PDE6D: variants seen among roughly 807,000 people sequenced by gnomAD.
PDE6D encodes phosphodiesterase 6D.
PDE6D carries 10 observed loss-of-function variants against 21.9 expected under a neutral mutation model. The observed-to-expected ratio is 0.46, with a 90% CI of 0.28 to 0.78. PDE6D has a LOEUF of 0.78. Among genes scored for constraint, PDE6D ranks in the 30% least tolerant of loss-of-function variants. PDE6D has a pLI of 0.12. For missense variants in PDE6D, 139 were observed against 184.8 expected (o/e 0.75, Z 1.44); for synonymous variants, 59 against 63.5 (o/e 0.93, Z 0.34).
chr2:231,767,129 C>T (rs547828008), intron 1 of PDE6D, among the ~76,000 whole-genome samples: 2 of 151,640 alleles, frequency 1.3e-5, no homozygotes, highest in South Asian at 4.2e-4. Flanking sequence ...TCACAGGTAT[C>T]GAAGCTAAAG....
intron 1 of PDE6D, among the ~76,000 whole-genome samples, chr2:231,771,874 G>A (rs569232759): frequency 6.6e-6 from 1 of 152,308 alleles, no homozygotes; most frequent in South Asian, 2.1e-4. Flanking sequence ...TTGTAGTGCT[G>A]GAAAAGGATT....
chr2:231,739,362 G>A lies in PDE6D; in HGVS notation c.51-174C>T, dbSNP rs2048729826. On this transcript the variant is annotated intron_variant, in intron 1 of 4. Coordinates refer to ENST00000287600, the MANE Select transcript of PDE6D (RefSeq NM_002601.4). The surrounding 1 kb of genome is among the most constrained non-coding windows in gnomAD (Gnocchi z 4.2). ...GAGGAGAGTCAAAAAGACATCTAAA[G>A]GAAGAAGCAGAAACCTAGAGAAGTT... 1.4e-6 allele frequency: 1 copy of A among 732,888 alleles called. No homozygotes were observed. Among genetic ancestry groups the A allele is most frequent in the East Asian group, 2.6e-5 (1 of 38,770 alleles). The allele number at this position is 732,888 out of a possible 1,614,324, so 45.4% of individuals were successfully genotyped here.
chr2:231,744,325 A>G (rs1011401905), intron 1 of PDE6D, among the ~76,000 whole-genome samples: 1 of 152,250 alleles, frequency 6.6e-6, no homozygotes, highest in Non-Finnish European at 1.5e-5. Context: ...TAGTAAATTT[A>G]AGCTCCCCTT....
At chr2:231,760,368 G>T (rs889183646) in intron 1 of PDE6D, among the ~76,000 whole-genome samples, 5 of 152,102 alleles carry the variant, frequency 3.3e-5, no homozygotes, top group Non-Finnish European at 7.3e-5. Flanking sequence ...TAATAATTTA[G>T]ATATTATTCA....
chr2:231,766,371 C>G (rs947149766), intron 1 of PDE6D, among the ~76,000 whole-genome samples: 1 of 152,164 alleles, frequency 6.6e-6, no homozygotes, highest in African/African-American at 2.4e-5. Flanking sequence ...TCTAGTCAGC[C>G]CATTATCCTA....
chr2:231,776,317 G>A (rs1387763709), intron 1 of PDE6D, among the ~76,000 whole-genome samples: 4 of 101,194 alleles, frequency 4.0e-5, no homozygotes, highest in Admixed American at 2.8e-4. Context: ...GCAAGACTCC[G>A]TCTCAAAAAA....
intron 4 of PDE6D, among the ~76,000 whole-genome samples, chr2:231,734,184 A>C (rs892043255): frequency 4.6e-5 from 7 of 152,036 alleles, no homozygotes; most frequent in African/African-American, 1.7e-4. Context: ...ACTGCACTCC[A>C]GCCTCCGCGA....
intron 3 of PDE6D, 110 bp from the exon 4 acceptor site, chr2:231,737,402 G>A: frequency 1.7e-6 from 1 of 598,930 alleles, no homozygotes; most frequent in Non-Finnish European, 3.0e-6. Context: ...AACCACCAAA[G>A]GAAGCTATCA....
intron 4 of PDE6D, among the ~76,000 whole-genome samples, chr2:231,736,216 C>T (rs1214585627): frequency 6.6e-6 from 1 of 152,018 alleles, no homozygotes; most frequent in Non-Finnish European, 1.5e-5. Flanking sequence ...AAACAAAAAA[C>T]CTTAAAGTCA....
intron 1 of PDE6D, among the ~76,000 whole-genome samples, chr2:231,765,538 A>AT (rs1202365263): frequency 1.3e-5 from 2 of 152,144 alleles, no homozygotes; most frequent in African/African-American, 2.4e-5. Context: ...AGGTAAGTAT[A>AT]TTTTTCAGGC....
chr2:231,748,903 C>T (rs915782781), intron 1 of PDE6D, among the ~76,000 whole-genome samples: 1 of 152,192 alleles, frequency 6.6e-6, no homozygotes. Context: ...GTTTGGGAAC[C>T]TCCGCCTGGA....
At chr2:231,734,985 G>A (rs1413422526) in intron 4 of PDE6D, among the ~76,000 whole-genome samples, 2 of 151,520 alleles carry the variant, frequency 1.3e-5, no homozygotes, top group Non-Finnish European at 2.9e-5. Context: ...GCTCACGTCT[G>A]TAATCCCAGC....
chr2:231,732,680 CCT>C lies in PDE6D; in HGVS notation c.*270_*271del, dbSNP rs1411530380. 3.0e-6 allele frequency: 1 copy of C among 330,190 alleles called. No homozygotes were observed. 20.5% of individuals were successfully genotyped at this position (330,190 alleles called of 1,614,324 possible). On this transcript the variant is annotated 3_prime_UTR_variant, in exon 5 of 5. Transcript: ENST00000287600. The stretch of plus-strand genomic sequence containing the variant: ...ACCGGTTTGTGGTATGTGTTTGTTC[CCT>C]GTGTGTATGCTGGGAAGGACTTGAG...
chr2:231,750,604 C>G (rs777072194), intron 1 of PDE6D, among the ~76,000 whole-genome samples: 1 of 149,314 alleles, frequency 6.7e-6, no homozygotes, highest in Non-Finnish European at 1.5e-5. Flanking sequence ...AGAGATTCTA[C>G]TGCCTCAGCC....
intron 4 of PDE6D, among the ~76,000 whole-genome samples, chr2:231,736,784 T>C (rs1414677691): frequency 6.6e-6 from 1 of 152,208 alleles, no homozygotes; most frequent in Non-Finnish European, 1.5e-5. Context: ...ATTCGGTATA[T>C]ATATTAAATG....
chr2:231,753,582 TAAAC>T (rs979622669), intron 1 of PDE6D, among the ~76,000 whole-genome samples: 18 of 150,068 alleles, frequency 1.2e-4, no homozygotes, highest in East Asian at 5.9e-4. Flanking sequence ...TAAAAATAAA[TAAAC>T]AAACAAATAA....
chr2:231,761,262 C>T (rs1224019567), intron 1 of PDE6D, among the ~76,000 whole-genome samples: 1 of 152,152 alleles, frequency 6.6e-6, no homozygotes, highest in African/African-American at 2.4e-5. Flanking sequence ...GCAAGCTCCG[C>T]TTCCCAGGTT....
intron 1 of PDE6D, among the ~76,000 whole-genome samples, chr2:231,749,816 G>C (rs756146859): frequency 1.3e-5 from 2 of 152,118 alleles, no homozygotes; most frequent in Non-Finnish European, 2.9e-5. Context: ...TTACAGGCGT[G>C]AGCTACCGTG....
chr2:231,752,409 C>CA (rs2048846471), intron 1 of PDE6D, among the ~76,000 whole-genome samples: 1 of 152,076 alleles, frequency 6.6e-6, no homozygotes. Context: ...GAAATGCCTA[C>CA]AAAAATGGTT....
Sources: allele counts gnomAD v4.1 joint callset (sites outside exome capture counted in the v4.1 genomes callset), GRCh38; gene constraint gnomAD v4.1.1; non-coding constraint Gnocchi (gnomAD v3.1); transcripts MANE v1.5; gene names NCBI Gene and HGNC (gene_info 2026-07-23, HGNC 2026-07-21).